The following DEK variants were observed in gnomAD, a reference collection of about 807,000 sequenced individuals.
DEK encodes protein DEK.
A neutral mutation model predicts 46.8 loss-of-function variants in DEK; 28 were observed. The observed-to-expected ratio is 0.60, with a 90% CI of 0.44 to 0.82. The LOEUF (loss-of-function observed/expected upper bound fraction) is 0.82, where lower values mean the gene tolerates loss of function less well. Ranked by LOEUF, DEK falls within the 40% of genes least tolerant of loss-of-function variation. The pLI is 0.00. For missense variants in DEK, 416 were observed against 430.6 expected (o/e 0.97, Z 0.30); for synonymous variants, 160 against 144.5 (o/e 1.11, Z -0.77).
At chr6:18,252,960 G>A (rs1018594484) in intron 6 of DEK, among the ~76,000 whole-genome samples, 45 of 152,158 alleles carry the variant, frequency 3.0e-4, no homozygotes, top group Non-Finnish European at 5.7e-4. Context: ...TCAAGTACAT[G>A]TCTTTCTAAT....
intron 7 of DEK, among the ~76,000 whole-genome samples, chr6:18,238,018 G>A (rs180783501): frequency 7.9e-5 from 12 of 151,786 alleles, no homozygotes; most frequent in East Asian, 5.9e-4. Flanking sequence ...ACAGGTGCTC[G>A]CCACCACACC....
chr6:18,238,473 C>T (rs1010081525), intron 7 of DEK, among the ~76,000 whole-genome samples: 1 of 151,660 alleles, frequency 6.6e-6, no homozygotes, highest in Non-Finnish European at 1.5e-5. Flanking sequence ...TCAAGGCGGG[C>T]GGATCATGAG....
intron 9 of DEK, among the ~76,000 whole-genome samples, chr6:18,230,580 A>G (rs1790369930): frequency 6.6e-6 from 1 of 152,240 alleles, no homozygotes; most frequent in South Asian, 2.1e-4. Flanking sequence ...TTGCAATCCT[A>G]GTCTCTGATA....
intron 7 of DEK, among the ~76,000 whole-genome samples, chr6:18,239,843 G>C (rs1051177324): frequency 2.0e-5 from 3 of 152,126 alleles, no homozygotes; most frequent in African/African-American, 7.2e-5. Flanking sequence ...ATTAGGCTCT[G>C]AAAGGGAATC....
At chr6:18,239,668 CT>C (rs1790821949) in intron 7 of DEK, among the ~76,000 whole-genome samples, 1 of 152,132 alleles carries the variant, frequency 6.6e-6, no homozygotes, top group Admixed American at 6.5e-5. Context: ...TTCCCATGGA[CT>C]TTTGCGATTT....
At chr6:18,249,575 G>A (rs578099450) in intron 7 of DEK, 76 bp downstream of exon 7, 26 of 1,426,528 alleles carry the variant, frequency 1.8e-5, no homozygotes, top group African/African-American at 2.9e-5. Flanking sequence ...AGTGTTTTCT[G>A]GCTGTACCTT....
At chr6:18,250,297 G>A (rs535049130) in intron 6 of DEK, among the ~76,000 whole-genome samples, 6 of 152,082 alleles carry the variant, frequency 3.9e-5, no homozygotes, top group South Asian at 2.1e-4. Flanking sequence ...GTGAAACCCC[G>A]TCTCTACTAA....
intron 7 of DEK, among the ~76,000 whole-genome samples, chr6:18,247,303 C>G (rs1332534107): frequency 6.6e-6 from 1 of 152,040 alleles, no homozygotes. Flanking sequence ...ATTTCTCAGT[C>G]CAAATTTTAT....
At chr6:18,248,318 A>G (rs1791215186) in intron 7 of DEK, among the ~76,000 whole-genome samples, 1 of 152,150 alleles carries the variant, frequency 6.6e-6, no homozygotes, top group African/African-American at 2.4e-5. Flanking sequence ...ATTCTATGAT[A>G]ATGTTTCGTG....
chr6:18,229,890 ACTC>A (rs1294916430), intron 9 of DEK, among the ~76,000 whole-genome samples: 8 of 152,068 alleles, frequency 5.3e-5, no homozygotes, highest in African/African-American at 1.9e-4. Flanking sequence ...CCACAAAAAT[ACTC>A]CTCGAGAAGA....
rs1790116937 is a variant in DEK, at chr6:18,226,159, G to C, written c.1116+15C>G. Reference sequence around the variant, plus strand: ...TATATTTCTAAAGTCAAACTTGAAAGACTGAAATATTTACCTCTTTTACAG... The same window carrying C: ...TATATTTCTAAAGTCAAACTTGAAACACTGAAATATTTACCTCTTTTACAG... On this transcript the variant is annotated intron_variant, in intron 10 of 10. Coordinates refer to ENST00000652689, the MANE Select transcript of DEK (RefSeq NM_003472.4). The C allele has an allele frequency of 1.5e-6, 2 of 1,300,154 alleles. No homozygotes were observed. Among genetic ancestry groups the C allele is most frequent in the Non-Finnish European group, 2.0e-6 (2 of 978,668 alleles). 80.5% of individuals were successfully genotyped at this position (1,300,154 alleles called of 1,614,324 possible).
chr6:18,228,264 G>C (rs1790225575), intron 9 of DEK, among the ~76,000 whole-genome samples: 1 of 152,176 alleles, frequency 6.6e-6, no homozygotes, highest in Admixed American at 6.5e-5. Flanking sequence ...AGATGTGGCT[G>C]TATTACAATA....
chr6:18,231,876 C>A (rs1277073391), intron 9 of DEK, among the ~76,000 whole-genome samples: 1 of 152,214 alleles, frequency 6.6e-6, no homozygotes, highest in East Asian at 1.9e-4. Flanking sequence ...AGGCCACCAT[C>A]ATCCTGATAT....
At chr6:18,249,491 G>C (rs1445047812) in intron 7 of DEK, among the ~76,000 whole-genome samples, 160 bp downstream of exon 7, 1 of 152,098 alleles carries the variant, frequency 6.6e-6, no homozygotes, top group Non-Finnish European at 1.5e-5. Context: ...GAAACTAAAA[G>C]CTCTTTAAGG....
chr6:18,249,500 G>T, intron 7 of DEK, 151 bp downstream of exon 7: 1 of 1,194,258 alleles, frequency 8.4e-7, no homozygotes. Flanking sequence ...AGCTCTTTAA[G>T]GAAAAGAAAT....
intron 7 of DEK, among the ~76,000 whole-genome samples, chr6:18,249,323 G>A (rs986496444): frequency 2.0e-4 from 31 of 152,160 alleles, no homozygotes; most frequent in Admixed American, 1.6e-3. Context: ...AAAAATCCTC[G>A]AAGAATCTGC....
chr6:18,257,486 AG>A (rs1049569149), intron 4 of DEK, among the ~76,000 whole-genome samples: 20 of 152,322 alleles, frequency 1.3e-4, no homozygotes, highest in Non-Finnish European at 2.4e-4. Context: ...CCAAGGTGGG[AG>A]GACCACTTGA....
intron 7 of DEK, among the ~76,000 whole-genome samples, chr6:18,239,556 C>T (rs214511): frequency 0.5 from 75,680 of 151,558 alleles, 19,583 homozygotes; most frequent in African/African-American, 0.64. Flanking sequence ...ACTACCTCAA[C>T]AATATACCAC....
intron 9 of DEK, among the ~76,000 whole-genome samples, chr6:18,228,909 G>C (rs1790267035): frequency 6.6e-6 from 1 of 152,210 alleles, no homozygotes; most frequent in African/African-American, 2.4e-5. Context: ...CACAGCTCAA[G>C]GAGGCCTGAC....
Sources: gnomAD v4.1 joint callset for allele counts (sites outside exome capture counted in the v4.1 genomes callset) on GRCh38, gnomAD v4.1.1 for gene constraint, MANE v1.5 for transcripts, NCBI Gene and HGNC (gene_info 2026-07-23, HGNC 2026-07-21) for gene names.